The following ANO6 variants were observed in gnomAD, a reference collection of about 807,000 sequenced individuals.
ANO6 encodes the protein anoctamin-6.
ANO6 carries 106 observed loss-of-function variants against 117.5 expected under a neutral mutation model. The ratio of observed to expected loss-of-function variants is 0.90; its 90% CI spans 0.77 to 1.06. The LOEUF is 1.06. ANO6 is among the 50% of genes least tolerant of loss of function. The pLI is 0.00. For synonymous variants in ANO6, 367 were observed against 385.1 expected (o/e 0.95, Z 0.55); for missense variants, 955 against 1,121.1 (o/e 0.85, Z 2.12).
At chr12:45,298,848 T>C (rs1306447308) in intron 1 of ANO6, among the ~76,000 whole-genome samples, 2 of 152,198 alleles carry the variant, frequency 1.3e-5, no homozygotes, top group Non-Finnish European at 2.9e-5. Context: ...GCTTGTCTTT[T>C]CATTTAGAAA....
At chr12:45,412,909 T>G (rs2137669575) in intron 16 of ANO6, among the ~76,000 whole-genome samples, 1 of 152,294 alleles carries the variant, frequency 6.6e-6, no homozygotes, top group Non-Finnish European at 1.5e-5. Context: ...GTTAGTTATC[T>G]AAAGTATGGT....
intron 19 of ANO6, among the ~76,000 whole-genome samples, chr12:45,427,737 TAA>T (rs755601586): frequency 4.5e-4 from 57 of 126,354 alleles, no homozygotes; most frequent in Non-Finnish European, 5.1e-4. Flanking sequence ...TAAGTTGGTT[TAA>T]AAAAAAAAAA....
chr12:45,318,481 A>T (rs1481852588), intron 2 of ANO6, among the ~76,000 whole-genome samples: 1 of 152,060 alleles, frequency 6.6e-6, no homozygotes, highest in Non-Finnish European at 1.5e-5. Flanking sequence ...CCATTGGTCG[A>T]TATCTCTGTT....
intron 1 of ANO6, among the ~76,000 whole-genome samples, chr12:45,279,441 G>A (rs910026359): frequency 2.0e-5 from 3 of 152,172 alleles, no homozygotes; most frequent in Non-Finnish European, 4.4e-5. Context: ...GGTAGTACTT[G>A]AGGAGGGGGC....
intron 10 of ANO6, among the ~76,000 whole-genome samples, chr12:45,379,860 AG>A (rs1942124652): frequency 6.6e-6 from 1 of 152,246 alleles, no homozygotes; most frequent in Non-Finnish European, 1.5e-5. Flanking sequence ...CACTGCCTAT[AG>A]CATCGTATGT....
chr12:45,263,370 T>TTC lies in ANO6; in HGVS notation c.71-38643_71-38642insCT, dbSNP rs1413841835. ...CAACCATCATGCCTGGCCTGGCCTTTTTTTTTTTTTTTTTTTTTTCCTGGA... is the reference window on the plus strand; with the variant it reads ...CAACCATCATGCCTGGCCTGGCCTTTTCTTTTTTTTTTTTTTTTTTTCCTGGA... On this transcript the variant is annotated intron_variant, in intron 1 of 19. Transcript: ENST00000320560. Among the ~76,000 whole-genome samples the TTC allele has an allele frequency of 5.5e-5, 8 of 145,178 alleles. No homozygotes were observed. The South Asian group carries it at 1.9e-3, about 34-fold the overall frequency.
At chr12:45,370,667 G>A (rs73281536) in intron 9 of ANO6, among the ~76,000 whole-genome samples, 2,021 of 152,258 alleles carry the variant, frequency 0.013, 39 homozygotes, top group African/African-American at 0.047. Flanking sequence ...TTACAATAAA[G>A]GATAAGGCAT....
At chr12:45,408,466 A>G (rs1487610118) in intron 15 of ANO6, among the ~76,000 whole-genome samples, 2 of 152,098 alleles carry the variant, frequency 1.3e-5, no homozygotes, top group African/African-American at 4.8e-5. Flanking sequence ...TGAGATAGGG[A>G]AAAAAACATG....
At chr12:45,327,904 G>A (rs1453008648) in intron 2 of ANO6, among the ~76,000 whole-genome samples, 3 of 151,960 alleles carry the variant, frequency 2.0e-5, no homozygotes, top group African/African-American at 7.3e-5. Context: ...GAGAACTCAC[G>A]GTGAACAAGC....
chr12:45,226,683 G>A (rs1367572151), intron 1 of ANO6, among the ~76,000 whole-genome samples: 7 of 152,000 alleles, frequency 4.6e-5, no homozygotes, highest in Admixed American at 2.0e-4. Flanking sequence ...CAAACAAAAT[G>A]ATGGCTAAAG....
chr12:45,433,854 G>A (rs1943677442), downstream of ANO6, among the ~76,000 whole-genome samples: 1 of 152,206 alleles, frequency 6.6e-6, no homozygotes, highest in South Asian at 2.1e-4. Context: ...AGAATAACCT[G>A]CTGTGGCTGT....
intron 19 of ANO6, among the ~76,000 whole-genome samples, chr12:45,437,883 A>G (rs1290674133): frequency 6.6e-6 from 1 of 152,084 alleles, no homozygotes; most frequent in East Asian, 1.9e-4. Context: ...AACTTTTAAG[A>G]GTGTAAAATT....
At chr12:45,246,962 C>T (rs1045190270) in intron 1 of ANO6, among the ~76,000 whole-genome samples, 12 of 151,758 alleles carry the variant, frequency 7.9e-5, no homozygotes, top group Non-Finnish European at 1.8e-4. Context: ...GACAGAGTTT[C>T]GCTCTGTCGC....
chr12:45,310,349 ACT>A (rs1165562985), intron 2 of ANO6, among the ~76,000 whole-genome samples: 1 of 152,008 alleles, frequency 6.6e-6, no homozygotes, highest in African/African-American at 2.4e-5. Context: ...CCTCTTGAAC[ACT>A]CTAATCTTAT....
chr12:45,286,361 TAATAAAAC>T (rs1323410852), intron 1 of ANO6, among the ~76,000 whole-genome samples: 2 of 152,188 alleles, frequency 1.3e-5, no homozygotes, highest in African/African-American at 4.8e-5. Context: ...TACCCTGAAC[TAATAAAAC>T]ATCCATCCAG....
chr12:45,366,350 C>T (rs1941685544), intron 8 of ANO6, among the ~76,000 whole-genome samples: 1 of 151,298 alleles, frequency 6.6e-6, no homozygotes, highest in Non-Finnish European at 1.5e-5. Context: ...CTGAGGTTAT[C>T]TACATTTTTT....
intron 1 of ANO6, among the ~76,000 whole-genome samples, chr12:45,248,677 C>T (rs922563241): frequency 6.6e-6 from 1 of 152,004 alleles, no homozygotes; most frequent in Admixed American, 6.5e-5. Flanking sequence ...CTCAGCTTCC[C>T]AAAGTGCTGG....
At chr12:45,331,225 A>G in intron 2 of ANO6, 70 bp from the exon 3 acceptor site, 1 of 1,387,902 alleles carries the variant, frequency 7.2e-7, no homozygotes, top group South Asian at 1.3e-5. Context: ...AAAGCTTGAA[A>G]ATTAACACTT....
intron 10 of ANO6, among the ~76,000 whole-genome samples, chr12:45,378,471 G>A (rs965159333): frequency 4.6e-5 from 7 of 152,066 alleles, no homozygotes; most frequent in African/African-American, 1.4e-4. Context: ...TGTGGGGCTC[G>A]GCTGGGAAGG....
Sources: allele counts gnomAD v4.1 joint callset (sites outside exome capture counted in the v4.1 genomes callset), GRCh38; gene constraint gnomAD v4.1.1; transcripts MANE v1.5; gene names NCBI Gene and HGNC (gene_info 2026-07-23, HGNC 2026-07-21).